PTPRC: variants seen among roughly 807,000 people sequenced by gnomAD.
PTPRC encodes receptor-type tyrosine-protein phosphatase C.
In PTPRC, 44 loss-of-function variants were observed where a neutral mutation model predicts 155.9. The observed-to-expected ratio is 0.28, with a 90% CI of 0.22 to 0.36. The LOEUF is 0.36. Ranked by LOEUF, PTPRC falls within the 10% of genes least tolerant of loss-of-function variation. The probability of loss-of-function intolerance (pLI) is 1.00; values close to 1 mark genes in which losing one functional copy is unlikely to be tolerated. For synonymous variants in PTPRC, 525 were observed against 533.1 expected (o/e 0.98, Z 0.21); for missense variants, 1,401 against 1,564.6 (o/e 0.90, Z 1.76).
intron 2 of PTPRC, among the ~76,000 whole-genome samples, chr1:198,668,537 A>G (rs969361021): frequency 2.0e-5 from 3 of 152,238 alleles, no homozygotes; most frequent in Admixed American, 1.3e-4. Context: ...AGCATCTTTC[A>G]TAACACTATA....
intron 3 of PTPRC, chr1:198,692,584 A>G (rs905550289): frequency 1.9e-6 from 2 of 1,043,668 alleles, no homozygotes; most frequent in Non-Finnish European, 2.4e-6. Context: ...AAATTTGTAT[A>G]TATATTTTGT....
At chr1:198,683,565 G>A (rs1665456486) in intron 2 of PTPRC, among the ~76,000 whole-genome samples, 1 of 152,052 alleles carries the variant, frequency 6.6e-6, no homozygotes, top group Admixed American at 6.5e-5. Flanking sequence ...ATATGGGTAA[G>A]GAAGCATCTT....
chr1:198,726,865 C>T (rs1314625153), intron 15 of PTPRC, among the ~76,000 whole-genome samples: 3 of 143,426 alleles, frequency 2.1e-5, no homozygotes. Flanking sequence ...TCTTTTCTTT[C>T]CTTTTTTTTT....
chr1:198,722,526 G>T, intron 15 of PTPRC, 50 bp downstream of exon 15: 1 of 1,023,578 alleles, frequency 9.8e-7, no homozygotes, highest in South Asian at 2.7e-5. Context: ...ATATATTAAT[G>T]CTTATAAAGC....
At position 198,732,145 on chromosome 1, in the gene PTPRC, T is replaced by C. The variant is rs543032048; in HGVS notation, c.1975-155T>C. Among the ~76,000 whole-genome samples the C allele has an allele frequency of 5.9e-5, 9 of 152,042 alleles. 1 individual carries two copies. The South Asian group carries it at 1.9e-3, about 31-fold the overall frequency. Reference sequence around the variant, plus strand: ...AAAAAAGTTTTTTTTTTAACATAATTCCTGATCTTAATTTTGATTACTCTA... The same window carrying C: ...AAAAAAGTTTTTTTTTTAACATAATCCCTGATCTTAATTTTGATTACTCTA... On this transcript the variant is annotated intron_variant, in intron 18 of 32. Coordinates refer to ENST00000442510, the MANE Select transcript of PTPRC (RefSeq NM_002838.5).
At chr1:198,659,000 A>G (rs1020022066) in intron 2 of PTPRC, among the ~76,000 whole-genome samples, 5 of 152,156 alleles carry the variant, frequency 3.3e-5, no homozygotes, top group Admixed American at 3.3e-4. Flanking sequence ...AAGGAAAAGA[A>G]TTTTCTTTCC....
intron 2 of PTPRC, among the ~76,000 whole-genome samples, chr1:198,664,459 C>T (rs1664159583): frequency 6.6e-6 from 1 of 152,142 alleles, no homozygotes; most frequent in African/African-American, 2.4e-5. Flanking sequence ...TTGTAGCAAT[C>T]TTATTGTGCC....
intron 3 of PTPRC, chr1:198,694,580 C>T: frequency 1.0e-6 from 1 of 987,060 alleles, no homozygotes; most frequent in Non-Finnish European, 1.2e-6. Context: ...ACATTTCTCT[C>T]AAAGCAAAAG....
chr1:198,673,539 A>G (rs1557985973), intron 2 of PTPRC, among the ~76,000 whole-genome samples: 1 of 152,192 alleles, frequency 6.6e-6, no homozygotes, highest in Non-Finnish European at 1.5e-5. Context: ...CAGTCAAATA[A>G]TGGTCATTTG....
chr1:198,654,870 T>G (rs1387598484), intron 2 of PTPRC, among the ~76,000 whole-genome samples: 5 of 151,888 alleles, frequency 3.3e-5, no homozygotes, highest in Non-Finnish European at 7.4e-5. Context: ...TTACTAAGAA[T>G]GAACTACAGA....
intron 2 of PTPRC, among the ~76,000 whole-genome samples, chr1:198,656,540 G>C (rs752062032): frequency 5.3e-5 from 8 of 152,034 alleles, no homozygotes; most frequent in Non-Finnish European, 8.8e-5. Context: ...AAAGTGCACT[G>C]TGTATGAGCT....
intron 2 of PTPRC, among the ~76,000 whole-genome samples, chr1:198,661,710 T>TA (rs1663978200): frequency 6.6e-6 from 1 of 152,160 alleles, no homozygotes; most frequent in South Asian, 2.1e-4. Flanking sequence ...GAACCACTGA[T>TA]ACGCCAACAA....
chr1:198,697,303 T>C (rs1666252696), intron 4 of PTPRC, among the ~76,000 whole-genome samples: 1 of 152,214 alleles, frequency 6.6e-6, no homozygotes, highest in Admixed American at 6.5e-5. Flanking sequence ...AGTCTTCCCA[T>C]TTCTTTGTTT....
In PTPRC at chr1:198,756,099, G is replaced by A. The variant is rs776554037; in HGVS notation, c.3839G>A (p.Gly1280Asp). Residue 1280 changes from glycine (G) to aspartate (D), a missense_variant, in exon 33 of 33, where the codon GGT becomes GAT. Physicochemically the swap from Gly to Asp is moderately conservative, Grantham distance 94. Transcript: ENST00000442510. ...CCTGAAGCAAAGGAACAGGCTGAAG[G>A]TTCTGAACCCACGAGTGGCACTGAG... is the stretch of plus-strand genomic sequence containing the variant. Reference protein sequence around the residue: ...KLPEAKEQAEGSEPTSGTEGP... With the variant: ...KLPEAKEQAEDSEPTSGTEGP... 6.2e-7 allele frequency: 1 copy of A among 1,613,306 alleles called. No homozygotes were observed. The highest frequency in any genetic ancestry group is 8.5e-7 in the Non-Finnish European group (1 of 1,179,676).
chr1:198,716,959 A>G (rs1653621857), intron 13 of PTPRC, 119 bp downstream of exon 13: 2 of 915,716 alleles, frequency 2.2e-6, no homozygotes, highest in Admixed American at 4.6e-5. Context: ...ACATTTGTTA[A>G]CATCTAGGGC....
In PTPRC at chr1:198,708,123, T is replaced by A; in HGVS notation, c.905-10T>A. ...TACTAATCAAGTTTATTTCTGTATC[T>A]TCTTGTCAGGGGTTGAAAAGTTTCA... On this transcript the variant is annotated splice_polypyrimidine_tract_variant and intron_variant, in intron 9 of 32. Coordinates refer to ENST00000442510, the MANE Select transcript of PTPRC (RefSeq NM_002838.5). 1 of 1,597,884 alleles carries A rather than the reference T, an allele frequency of 6.3e-7. No homozygotes were observed. The highest frequency in any genetic ancestry group is 1.1e-5 in the South Asian group (1 of 90,760).
At chr1:198,645,410 G>T (rs1181406781) in intron 2 of PTPRC, among the ~76,000 whole-genome samples, 1 of 151,604 alleles carries the variant, frequency 6.6e-6, no homozygotes, top group African/African-American at 2.4e-5. Context: ...AGAAAATGAG[G>T]CAGAAACCAC....
intron 14 of PTPRC, among the ~76,000 whole-genome samples, chr1:198,720,571 C>T (rs1178081472): frequency 1.3e-5 from 2 of 152,114 alleles, no homozygotes; most frequent in Non-Finnish European, 2.9e-5. Flanking sequence ...CTCAAGTGAT[C>T]TGCCCACCTT....
At chr1:198,702,322 CTAT>C (rs1428691433) in intron 5 of PTPRC, 62 bp from the exon 6 acceptor site, 16 of 1,600,436 alleles carry the variant, frequency 1.0e-5, no homozygotes, top group Middle Eastern at 1.7e-4. Context: ...TTTATGTTGG[CTAT>C]CTGGCTATTG....
Sources: allele counts gnomAD v4.1 joint callset (sites outside exome capture counted in the v4.1 genomes callset), GRCh38; gene constraint gnomAD v4.1.1; transcripts MANE v1.5; gene names NCBI Gene and HGNC (gene_info 2026-07-23, HGNC 2026-07-21).